Variants in RAB33A observed in about 807,000 individuals in gnomAD.
RAB33A encodes the protein RAB33A, member RAS oncogene family.
In RAB33A, 6 loss-of-function variants were observed where a neutral mutation model predicts 12.0. The ratio of observed to expected loss-of-function variants is 0.50; its 90% confidence interval spans 0.27 to 0.99. The LOEUF (loss-of-function observed/expected upper bound fraction) is 0.99, where lower values mean the gene tolerates loss of function less well. RAB33A is among the 50% of genes least tolerant of loss of function. RAB33A has a pLI of 0.11. For missense variants in RAB33A, 109 were observed against 192.0 expected (o/e 0.57, Z 2.55); for synonymous variants, 70 against 82.4 (o/e 0.85, Z 0.81).
the RAB33A span, among the ~76,000 whole-genome samples, chrX:130,117,029 T>C: frequency 1.7e-3 from 185 of 111,699 alleles, no homozygotes; most frequent in African/African-American, 5.0e-3. Context: ...CTGGCTAACA[T>C]GGTGAAACCC....
the RAB33A span, among the ~76,000 whole-genome samples, chrX:130,145,751 CTCAACTTGGGGCAATTT>C: frequency 8.9e-6 from 1 of 112,015 alleles, no homozygotes; most frequent in Non-Finnish European, 1.9e-5. Context: ...ATCAGTGGTT[CTCAACTTGGGGCAATTT>C]TGCTCCCAGG....
the RAB33A span, among the ~76,000 whole-genome samples, chrX:130,161,780 G>T: frequency 6.7e-4 from 74 of 109,668 alleles, no homozygotes; most frequent in African/African-American, 2.3e-3. Context: ...GCTAATTTTT[G>T]ATTTTTAGTA....
At chrX:130,129,704 C>G in the RAB33A span, 1 of 962,178 alleles carries the variant, frequency 1.0e-6, no homozygotes, top group East Asian at 3.1e-5. Context: ...ATGGGGCTAC[C>G]TGGGGCAGTC....
chrX:130,155,013 G>C, the RAB33A span: 15 of 773,856 alleles, frequency 1.9e-5, no homozygotes, highest in Admixed American at 3.3e-4. Flanking sequence ...GGACTCTCTA[G>C]TGACTGACAA....
chrX:130,121,965 T>C, the RAB33A span, among the ~76,000 whole-genome samples: 1 of 112,025 alleles, frequency 8.9e-6, no homozygotes, highest in Admixed American at 9.4e-5. Flanking sequence ...CTTCTGCCAC[T>C]GAAGGGACAA....
At chrX:130,136,705 T>C in the RAB33A span, 1 of 1,210,427 alleles carries the variant, frequency 8.3e-7, no homozygotes, top group Non-Finnish European at 1.1e-6. Context: ...GATTGCACAA[T>C]AGCATTGGGC....
At chrX:130,168,677 C>T (rs1471242549), upstream of RAB33A, among the ~76,000 whole-genome samples, 1 of 111,921 alleles carries the variant, frequency 8.9e-6, no homozygotes. Context: ...ACGTGTGAGC[C>T]ACTGTGCCAG....
chrX:130,161,371 C>T, the RAB33A span, among the ~76,000 whole-genome samples: 7 of 108,330 alleles, frequency 6.5e-5, no homozygotes, highest in African/African-American at 1.0e-4. Context: ...ATTAGCTGGG[C>T]GTGGTGGCAG....
chrX:130,184,565 C>T lies in RAB33A; in HGVS notation c.539C>T (p.Thr180Ile), dbSNP rs952989418. Residue 180 changes from threonine to isoleucine, a missense_variant, in exon 2 of 2, where the codon ACA becomes ATA. Thr to Ile is a moderately conservative substitution (Grantham distance 89). Transcript: ENST00000257017. ...GCCCACAACATGCTCTTGTTTGAGA[C>T]ATCGGCCAAGGACCCCAAAGAGAGC... ...ADAHNMLLFE[T>I]SAKDPKESQN... 1.7e-5 allele frequency: 20 copies of T among 1,209,985 alleles called. No homozygotes were observed. The highest frequency in any genetic ancestry group is 2.1e-5 in the Non-Finnish European group (19 of 895,323).
intron 1 of RAB33A, among the ~76,000 whole-genome samples, chrX:130,181,633 C>G (rs2031727540): frequency 1.8e-5 from 2 of 112,287 alleles, no homozygotes; most frequent in Non-Finnish European, 3.8e-5. Flanking sequence ...GAATTAAGTT[C>G]CTTTTACATA....
At chrX:130,174,549 A>G (rs2031644961) in intron 1 of RAB33A, among the ~76,000 whole-genome samples, 1 of 112,554 alleles carries the variant, frequency 8.9e-6, no homozygotes, top group South Asian at 3.6e-4. Flanking sequence ...TTGTTCAAGG[A>G]ATACATGCCA....
upstream of RAB33A, among the ~76,000 whole-genome samples, chrX:130,171,192 A>G (rs1472345389): frequency 8.0e-5 from 9 of 113,014 alleles, no homozygotes; most frequent in Non-Finnish European, 1.5e-4. Context: ...TCAGCTGTAC[A>G]GGCCCCGGAC....
chrX:130,112,027 A>G, the RAB33A span, among the ~76,000 whole-genome samples: 1 of 111,465 alleles, frequency 9.0e-6, no homozygotes, highest in Admixed American at 9.5e-5. Flanking sequence ...TGAAGGACCT[A>G]CTCAGCCTCC....
the RAB33A span, among the ~76,000 whole-genome samples, chrX:130,149,015 C>T: frequency 9.9e-6 from 1 of 101,196 alleles, no homozygotes; most frequent in Non-Finnish European, 2.0e-5. Flanking sequence ...TCCGCCACTT[C>T]AGTTCAAGAG....
chrX:130,166,890 C>T, the RAB33A span, among the ~76,000 whole-genome samples: 4 of 112,081 alleles, frequency 3.6e-5, no homozygotes, highest in African/African-American at 1.3e-4. Flanking sequence ...GTATTAAATG[C>T]AGTTTCGACT....
the RAB33A span, among the ~76,000 whole-genome samples, chrX:130,147,271 C>T: frequency 8.0e-5 from 9 of 112,410 alleles, no homozygotes; most frequent in African/African-American, 2.9e-4. Context: ...TTTCAGAGGC[C>T]AACATTACAC....
At chrX:130,161,295 G>A in the RAB33A span, among the ~76,000 whole-genome samples, 141 of 110,026 alleles carry the variant, frequency 1.3e-3, 1 homozygote, top group South Asian at 0.012. Flanking sequence ...GGCGGATCAC[G>A]AGGTCAGGAG....
upstream of RAB33A, among the ~76,000 whole-genome samples, chrX:130,168,934 A>G (rs1199125965): frequency 3.6e-5 from 4 of 110,372 alleles, no homozygotes; most frequent in Non-Finnish European, 7.6e-5. Flanking sequence ...CAGGCCGGGC[A>G]CGGTGGCTCA....
the RAB33A span, among the ~76,000 whole-genome samples, chrX:130,164,621 G>A: frequency 5.4e-5 from 6 of 111,694 alleles, no homozygotes; most frequent in Non-Finnish European, 9.4e-5. Flanking sequence ...AAAGAAGCAG[G>A]CTCAAGCCAT....
Sources: gnomAD v4.1 joint callset for allele counts (sites outside exome capture counted in the v4.1 genomes callset) on GRCh38, gnomAD v4.1.1 for gene constraint, MANE v1.5 for transcripts, NCBI Gene and HGNC (gene_info 2026-07-23, HGNC 2026-07-21) for gene names.